The following CCSER1 variants were observed in gnomAD, a reference collection of about 807,000 sequenced individuals.
CCSER1 encodes the protein serine-rich coiled-coil domain-containing protein 1.
Under a neutral mutation model 82.0 loss-of-function variants are expected in CCSER1, and 41 were observed. The observed-to-expected ratio is 0.50, with a 90% confidence interval of 0.39 to 0.65. CCSER1 has a LOEUF of 0.65. Ranked by LOEUF, CCSER1 falls within the 30% of genes least tolerant of loss-of-function variation. The pLI, the probability that CCSER1 is intolerant of heterozygous loss-of-function variation, is 0.00. For synonymous variants in CCSER1, 414 were observed against 383.9 expected, an observed-to-expected ratio of 1.08 and a Z score of -0.92; for missense variants, 1,119 against 1,064.2, an observed-to-expected ratio of 1.05 and a Z score of -0.72.
chr4:90,978,806 T>C (rs569709350), intron 9 of CCSER1, among the ~76,000 whole-genome samples: 107 of 151,884 alleles, frequency 7.0e-4, no homozygotes, highest in Admixed American at 9.2e-4. Context: ...GTTTATGTGA[T>C]AGTCTTTAGA....
At chr4:90,409,504 C>T (rs1226392161) in intron 4 of CCSER1, among the ~76,000 whole-genome samples, 3 of 152,108 alleles carry the variant, frequency 2.0e-5, no homozygotes, top group Non-Finnish European at 2.9e-5. Context: ...GAATTTTCAA[C>T]CCAGAATTTA....
chr4:90,167,241 A>G (rs1240358659), intron 1 of CCSER1, among the ~76,000 whole-genome samples: 1 of 152,136 alleles, frequency 6.6e-6, no homozygotes, highest in Admixed American at 6.6e-5. Context: ...TTAAGCATAT[A>G]GTTACATCCT....
At chr4:90,303,595 C>G (rs539904888) in intron 1 of CCSER1, among the ~76,000 whole-genome samples, 6 of 151,788 alleles carry the variant, frequency 4.0e-5, no homozygotes, top group African/African-American at 1.5e-4. Context: ...ACTGGCTAGC[C>G]ACATGTAGAA....
At chr4:91,371,378 A>C (rs1423119980) in intron 10 of CCSER1, among the ~76,000 whole-genome samples, 1 of 146,908 alleles carries the variant, frequency 6.8e-6, no homozygotes, top group African/African-American at 2.5e-5. Flanking sequence ...CAGTTGTTTT[A>C]ATTATTAGCT....
intron 10 of CCSER1, among the ~76,000 whole-genome samples, chr4:91,297,934 T>C (rs1357635208): frequency 6.6e-6 from 1 of 151,924 alleles, no homozygotes; most frequent in African/African-American, 2.4e-5. Context: ...GAGAATTGCA[T>C]GGATGTGGAT....
intron 10 of CCSER1, among the ~76,000 whole-genome samples, chr4:91,415,769 T>A (rs1326653927): frequency 6.6e-6 from 1 of 152,156 alleles, no homozygotes; most frequent in Non-Finnish European, 1.5e-5. Flanking sequence ...AATTTGATTG[T>A]GTTATATAAG....
At chr4:91,076,014 G>A (rs1721956909) in intron 9 of CCSER1, among the ~76,000 whole-genome samples, 1 of 152,104 alleles carries the variant, frequency 6.6e-6, no homozygotes. Flanking sequence ...GTACTCAAGA[G>A]TAATTTCTGC....
chr4:90,376,397 G>A (rs1748323506), intron 3 of CCSER1, among the ~76,000 whole-genome samples: 1 of 152,228 alleles, frequency 6.6e-6, no homozygotes, highest in African/African-American at 2.4e-5. Flanking sequence ...GGCAGACATA[G>A]AAGATAGATT....
At chr4:90,291,291 C>T (rs557232211) in intron 1 of CCSER1, among the ~76,000 whole-genome samples, 3 of 152,014 alleles carry the variant, frequency 2.0e-5, no homozygotes, top group South Asian at 4.1e-4. Context: ...GTTTAGGTTT[C>T]CATTTATTAT....
At chr4:90,239,312 T>A (rs1262320723) in intron 1 of CCSER1, among the ~76,000 whole-genome samples, 2 of 152,240 alleles carry the variant, frequency 1.3e-5, no homozygotes, top group South Asian at 2.1e-4. Flanking sequence ...TATTGATCAC[T>A]TCAGTGATAC....
intron 5 of CCSER1, among the ~76,000 whole-genome samples, chr4:90,567,728 T>C (rs1779579211): frequency 6.6e-6 from 1 of 151,306 alleles, no homozygotes; most frequent in Non-Finnish European, 1.5e-5. Context: ...CACCTCAGCC[T>C]CCCAAAGAGC....
rs577872100 is a variant in CCSER1, at chr4:91,104,915, T to G, written c.2217+18921T>G. 3.3e-4 allele frequency among the ~76,000 whole-genome samples: 50 copies of G among 152,336 alleles called. 2 individuals carry two copies. The South Asian group carries it at 9.9e-3, about 30-fold the overall frequency. On this transcript the variant is annotated intron_variant, in intron 10 of 10. Coordinates refer to ENST00000509176, the MANE Select transcript of CCSER1 (RefSeq NM_001145065.2). ...CCTCATTTTATTTTTCTTTTTGGTA[T>G]AAATTCATGTGGTACAGGTGTAATT... is the stretch of plus-strand genomic sequence containing the variant.
intron 5 of CCSER1, among the ~76,000 whole-genome samples, chr4:90,493,015 A>G (rs1578783507): frequency 6.6e-6 from 1 of 152,172 alleles, no homozygotes; most frequent in Non-Finnish European, 1.5e-5. Context: ...AAAAACCTTG[A>G]AAAAAGATTA....
chr4:91,478,945 A>G (rs1757738516), intron 10 of CCSER1, among the ~76,000 whole-genome samples: 1 of 151,844 alleles, frequency 6.6e-6, no homozygotes, highest in South Asian at 2.1e-4. Context: ...GCCTAAACAC[A>G]CTTTAGTAAT....
chr4:91,387,819 A>G (rs1302670495), intron 10 of CCSER1, among the ~76,000 whole-genome samples: 3 of 152,094 alleles, frequency 2.0e-5, no homozygotes, highest in African/African-American at 2.4e-5. Flanking sequence ...AAAACAGTTA[A>G]AAGTTCTTGA....
At chr4:91,154,244 G>A (rs1215195364) in intron 10 of CCSER1, among the ~76,000 whole-genome samples, 3 of 151,992 alleles carry the variant, frequency 2.0e-5, no homozygotes, top group Non-Finnish European at 2.9e-5. Context: ...CTGCCACCTT[G>A]CAGTTTGATC....
At position 90,308,793 on chromosome 4, in the gene CCSER1, G is replaced by C; in HGVS notation, c.509G>C (p.Arg170Pro). The change falls in exon 2 of 11, where the codon CGT (arginine) becomes CCT (proline). Residue 170 changes from arginine to proline, a missense_variant. Physicochemically the swap from Arg to Pro is moderately radical, Grantham distance 103. Transcript: ENST00000509176. The part of the protein sequence containing the change: ...DDSGFTEDQT[R>P]RSVKQSTRKL... ...TCTGGTTTCACAGAAGACCAAACTC[G>C]TCGTTCTGTTAAGCAGTCAACAAGG... is the stretch of plus-strand genomic sequence containing the variant. The C allele has an allele frequency of 6.2e-7, 1 of 1,613,748 alleles. No homozygotes were observed. Among genetic ancestry groups the C allele is most frequent in the Middle Eastern group, 1.6e-4 (1 of 6,062 alleles).
rs192681111 is a variant in CCSER1 at position 91,403,648 on chromosome 4, G to A, written c.2218-194924G>A. On this transcript the variant is annotated intron_variant, in intron 10 of 10. Transcript: ENST00000509176. ...GAATGCCTTTTCTGCATCCATTGAGGTAATCATGTGGTTTTTGTCTTTGGT... is the reference window on the plus strand; with the variant it reads ...GAATGCCTTTTCTGCATCCATTGAGATAATCATGTGGTTTTTGTCTTTGGT... Among the ~76,000 whole-genome samples the A allele has an allele frequency of 8.5e-5, 13 of 152,148 alleles. No homozygotes were observed. In the East Asian group the frequency reaches 2.5e-3, roughly 29 times the overall value.
At chr4:90,815,939 T>C (rs1300364586) in intron 8 of CCSER1, 94 bp downstream of exon 8, 3 of 729,916 alleles carry the variant, frequency 4.1e-6, no homozygotes, top group Non-Finnish European at 6.7e-6. Flanking sequence ...GCATTAGTTA[T>C]TTGTAAATCC....
Sources: allele counts gnomAD v4.1 joint callset (sites outside exome capture counted in the v4.1 genomes callset), GRCh38; gene constraint gnomAD v4.1.1; transcripts MANE v1.5; gene names NCBI Gene and HGNC (gene_info 2026-07-23, HGNC 2026-07-21).